DNASE2B: variants seen among roughly 807,000 people sequenced by gnomAD.
DNASE2B encodes deoxyribonuclease-2-beta.
Under a neutral mutation model 46.0 loss-of-function variants are expected in DNASE2B, and 43 were observed. That is an observed-to-expected ratio of 0.94 (90% CI 0.73 to 1.21). DNASE2B has a LOEUF of 1.21. Among genes scored for constraint, DNASE2B ranks in the 50% most tolerant of loss-of-function variants. The pLI, the probability that DNASE2B is intolerant of heterozygous loss-of-function variation, is 0.00. For missense variants in DNASE2B, 395 were observed against 414.4 expected, an observed-to-expected ratio of 0.95 and a Z score of 0.41; for synonymous variants, 156 against 152.5, an observed-to-expected ratio of 1.02 and a Z score of -0.17.
At position 84,414,772 on chromosome 1, in the gene DNASE2B, C is replaced by T; in HGVS notation, c.990C>T (p.His330=). The T allele has an allele frequency of 6.2e-7, 1 of 1,614,158 alleles. No individual in the cohort carries two copies. Among genetic ancestry groups the T allele is most frequent in the South Asian group, 1.1e-5 (1 of 91,086 alleles). Residue 330 remains histidine, a synonymous_variant, in exon 6 of 6, where the codon CAC becomes CAT. Transcript: ENST00000370665. ...TTGGAGACCTAAATCGGAGTCCACACCAAGCCTTCAGAAGTGGAGGATTCA... is the reference window on the plus strand; with the variant it reads ...TTGGAGACCTAAATCGGAGTCCACATCAAGCCTTCAGAAGTGGAGGATTCA... ...TCIGDLNRSP[H]QAFRSGGFIC...
chr1:84,407,971 T>C (rs911133249), intron 2 of DNASE2B, among the ~76,000 whole-genome samples: 8 of 152,146 alleles, frequency 5.3e-5, no homozygotes, highest in African/African-American at 1.9e-4. Flanking sequence ...AGCAGTGAAG[T>C]GAAGCACAAA....
chr1:84,401,760 G>T, intron 1 of DNASE2B, 141 bp from the exon 2 acceptor site: 1 of 593,210 alleles, frequency 1.7e-6, no homozygotes. Flanking sequence ...GAAGAAAGAG[G>T]CAAAGAGCTT....
chr1:84,406,763 C>G (rs1481485577), intron 2 of DNASE2B, among the ~76,000 whole-genome samples: 1 of 152,130 alleles, frequency 6.6e-6, no homozygotes, highest in Non-Finnish European at 1.5e-5. Flanking sequence ...GAATATTACT[C>G]CTCCACCCCC....
chr1:84,407,924 T>A (rs931984692), intron 2 of DNASE2B, among the ~76,000 whole-genome samples: 1 of 152,174 alleles, frequency 6.6e-6, no homozygotes, highest in African/African-American at 2.4e-5. Context: ...GGAGAGCAGA[T>A]AATGAGGGAT....
chr1:84,406,780 G>C (rs1570302451), intron 2 of DNASE2B, among the ~76,000 whole-genome samples: 1 of 152,254 alleles, frequency 6.6e-6, no homozygotes, highest in East Asian at 1.9e-4. Flanking sequence ...CCCCTGACCT[G>C]GAATTGAACC....
chr1:84,398,825 A>G, intron 1 of DNASE2B, 136 bp downstream of exon 1: 1 of 1,352,912 alleles, frequency 7.4e-7, no homozygotes, highest in African/African-American at 1.5e-5. Context: ...AAAGTGTGCA[A>G]ATCGGCCAAA....
intron 1 of DNASE2B, among the ~76,000 whole-genome samples, chr1:84,399,975 G>C (rs1484434245): frequency 6.6e-6 from 1 of 152,130 alleles, no homozygotes; most frequent in Non-Finnish European, 1.5e-5. Flanking sequence ...GTGTAGACCT[G>C]AGTTAAAGAA....
At chr1:84,410,079 T>C (rs1203006635) in intron 3 of DNASE2B, among the ~76,000 whole-genome samples, 1 of 152,240 alleles carries the variant, frequency 6.6e-6, no homozygotes, top group Admixed American at 6.5e-5. Flanking sequence ...TATGTTTGCA[T>C]AGTCATATGC....
chr1:84,409,038 T>C lies in DNASE2B; in HGVS notation c.385+520T>C, dbSNP rs573059268. On this transcript the variant is annotated intron_variant, in intron 3 of 5. Transcript: ENST00000370665. ...TTATCATGTTATTTACATTATCACA[T>C]ATAATTTTTATTATCCTTTCACAAT... Among the ~76,000 whole-genome samples the C allele has an allele frequency of 3.9e-5, 6 of 152,156 alleles. No individual in the cohort carries two copies. The South Asian group carries it at 1.2e-3, about 32-fold the overall frequency.
Position 84,412,348 on chromosome 1 carries a change from G to T in DNASE2B, c.548-1G>T, listed in dbSNP as rs1680612952. The T allele has an allele frequency of 6.5e-7, 1 of 1,526,922 alleles. No individual in the cohort carries two copies. The highest frequency in any genetic ancestry group is 1.4e-5 in the African/African-American group (1 of 72,096). The allele number at this position is 1,526,922 out of a possible 1,614,324, so 94.6% of individuals were successfully genotyped here. A position where few individuals can be genotyped will look rare whatever the true frequency, so the allele number is the denominator to read the frequency against. ...CTTTTCTTTACTGTTTCTTGATTCA[G>T]ATTCTCAGCTCTTGGTCTGCAACCC... is the stretch of plus-strand genomic sequence containing the variant. On this transcript the variant is annotated splice_acceptor_variant, in intron 4 of 5. Coordinates refer to ENST00000370665, the MANE Select transcript of DNASE2B (RefSeq NM_021233.3). LOFTEE classifies it high-confidence loss of function.
At chr1:84,413,430 A>G (rs1680637406) in intron 5 of DNASE2B, among the ~76,000 whole-genome samples, 1 of 152,202 alleles carries the variant, frequency 6.6e-6, no homozygotes, top group Admixed American at 6.5e-5. Flanking sequence ...GTTAGGCACT[A>G]GAGATCTTAA....
In DNASE2B at chr1:84,410,851, G is replaced by A. The variant is rs1558502787; in HGVS notation, c.399G>A (p.Trp133Ter). ...TGTCTTTGGTAGGTTTACTGCTGTG[G>A]AACAGAGTTCAAGGGTTCTGGCTGA... ...KYGHTKGLLL[W>*]NRVQGFWLIH... The change falls in exon 4 of 6, where the codon TGG (tryptophan) becomes TGA (stop). Residue 133 changes from tryptophan (W) to a stop codon, truncating the protein, a stop_gained. Transcript: ENST00000370665. LOFTEE classifies it high-confidence loss of function. 6.2e-7 allele frequency: 1 copy of A among 1,613,190 alleles called. No homozygotes were observed. Among genetic ancestry groups the A allele is most frequent in the East Asian group, 2.2e-5 (1 of 44,864 alleles).
At chr1:84,405,108 T>C (rs142313599) in intron 2 of DNASE2B, among the ~76,000 whole-genome samples, 3 of 152,298 alleles carry the variant, frequency 2.0e-5, no homozygotes, top group East Asian at 3.9e-4. Context: ...CTTCTCCTGT[T>C]ATCTTAATTT....
At position 84,410,956 on chromosome 1, in the gene DNASE2B, T is replaced by C. The variant is rs749031735; in HGVS notation, c.504T>C (p.Ser168=). The change falls in exon 4 of 6, where the codon AGT becomes AGC. Residue 168 remains serine (S), a synonymous_variant. Transcript: ENST00000370665. ...YPPTGRRNGQ[S]GICITFKYNQ... is the part of the protein sequence containing the mutation. ...CCACAGGGAGACGAAATGGACAAAG[T>C]GGCATCTGCATAACTTTCAAGTACA... 3 of 1,612,244 alleles carry C rather than the reference T, an allele frequency of 1.9e-6. No individual in the cohort carries two copies. Among genetic ancestry groups the C allele is most frequent in the Non-Finnish European group, 2.5e-6 (3 of 1,179,170 alleles).
At chr1:84,406,327 C>T (rs1160758504) in intron 2 of DNASE2B, among the ~76,000 whole-genome samples, 2 of 152,260 alleles carry the variant, frequency 1.3e-5, no homozygotes, top group South Asian at 2.1e-4. Context: ...GAAAGAGCAA[C>T]ATTGTAAAGC....
At position 84,412,377 on chromosome 1, in the gene DNASE2B, C is replaced by A. The variant is rs998978773; in HGVS notation, c.576C>A (p.Asn192Lys). ...IDSQLLVCNP[N>K]VYSCSIPATF... ...CTCAGCTCTTGGTCTGCAACCCCAACGTCTATAGCTGCTCCATCCCAGCCA... is the reference window on the plus strand; with the variant it reads ...CTCAGCTCTTGGTCTGCAACCCCAAAGTCTATAGCTGCTCCATCCCAGCCA... Residue 192 changes from asparagine (N) to lysine (K), a missense_variant, in exon 5 of 6, where the codon AAC (asparagine) becomes AAA (lysine). Transcript: ENST00000370665. 9 of 1,571,162 alleles carry A rather than the reference C, an allele frequency of 5.7e-6. No individual in the cohort carries two copies. The highest frequency in any genetic ancestry group is 7.8e-6 in the Non-Finnish European group (9 of 1,155,520).
At chr1:84,411,255 T>C (rs1280060024) in intron 4 of DNASE2B, among the ~76,000 whole-genome samples, 2 of 152,080 alleles carry the variant, frequency 1.3e-5, no homozygotes, top group South Asian at 2.1e-4. Flanking sequence ...GTAGATAACA[T>C]ATATGAGTGA....
intron 2 of DNASE2B, among the ~76,000 whole-genome samples, chr1:84,407,030 C>CA (rs1680503327): frequency 1.3e-5 from 2 of 152,120 alleles, no homozygotes; most frequent in Non-Finnish European, 2.9e-5. Flanking sequence ...ACTCAATAGT[C>CA]AAAACAATAC....
Position 84,404,334 on chromosome 1 carries a change from T to C in DNASE2B, c.303+2256T>C, listed in dbSNP as rs558369. On this transcript the variant is annotated intron_variant, in intron 2 of 5. Transcript: ENST00000370665. ...TCCACAATCTCTTTCATGACTTTCT[T>C]GATTGACTCTGTCATAAATCCTGTG... Among the ~76,000 whole-genome samples, 320 of 152,334 alleles carry C rather than the reference T, an allele frequency of 2.1e-3. 3 individuals are homozygous for C. The highest frequency in any genetic ancestry group is 3.0e-3 in the Non-Finnish European group (203 of 68,030).
Sources: allele counts gnomAD v4.1 joint callset (sites outside exome capture counted in the v4.1 genomes callset), GRCh38; gene constraint gnomAD v4.1.1; transcripts MANE v1.5; gene names NCBI Gene and HGNC (gene_info 2026-07-23, HGNC 2026-07-21).